Variants in SACS observed in about 807,000 individuals in gnomAD.
SACS encodes sacsin.
A neutral mutation model predicts 348.0 loss-of-function variants in SACS; 197 were observed. The ratio of observed to expected loss-of-function variants is 0.57; its 90% CI spans 0.50 to 0.64. SACS has a LOEUF of 0.64. Among genes scored for constraint, SACS ranks in the 30% least tolerant of loss-of-function variants. The pLI is 0.00. For missense variants in SACS, 4,999 were observed against 5,360.8 expected, an observed-to-expected ratio of 0.93 and a Z score of 2.11; for synonymous variants, 1,985 against 1,910.6, an observed-to-expected ratio of 1.04 and a Z score of -1.02.
intron 4 of SACS, 68 bp from the exon 5 acceptor site, chr13:23,368,555 T>G (rs1200924622): frequency 1.3e-5 from 14 of 1,097,170 alleles, no homozygotes; most frequent in Non-Finnish European, 1.9e-5. Flanking sequence ...AATGTGTGAC[T>G]TGAATCTGAG....
intron 9 of SACS, among the ~76,000 whole-genome samples, chr13:23,348,828 T>C (rs964605209): frequency 2.6e-5 from 4 of 152,196 alleles, no homozygotes; most frequent in African/African-American, 7.2e-5. Context: ...AAAAAAATAC[T>C]GAGCACCTAC....
At chr13:23,432,390 G>GA (rs1447993492) in intron 1 of SACS, among the ~76,000 whole-genome samples, 2 of 152,076 alleles carry the variant, frequency 1.3e-5, no homozygotes, top group African/African-American at 4.8e-5. Flanking sequence ...AGAAAAGAAA[G>GA]AAAAAATTGC....
chr13:23,337,374 C>A lies in SACS; in HGVS notation c.6502G>T (p.Val2168Leu). Residue 2168 changes from valine (V) to leucine (L), a missense_variant, in exon 10 of 10, where the codon GTG becomes TTG. By Grantham distance (32) the Val-to-Leu change is conservative. Transcript: ENST00000382292. ...ILWDDMLERA[V>L]SVAEINKSDH... Reference sequence around the variant, plus strand: ...CTTTTATTAATTTCAGCTACTGACACTGCACGTTCTAGCATATCATCCCAT... The same window carrying A: ...CTTTTATTAATTTCAGCTACTGACAATGCACGTTCTAGCATATCATCCCAT... 2 of 1,613,922 alleles carry A rather than the reference C, an allele frequency of 1.2e-6. No individual in the cohort carries two copies. Among genetic ancestry groups the A allele is most frequent in the African/African-American group, 1.3e-5 (1 of 75,040 alleles).
intron 2 of SACS, among the ~76,000 whole-genome samples, chr13:23,385,408 G>C (rs761969944): frequency 2.3e-4 from 35 of 150,258 alleles, no homozygotes; most frequent in Non-Finnish European, 4.4e-4. Flanking sequence ...TGCCCAGGCT[G>C]GAGTGCAAGG....
chr13:23,368,935 G>C (rs543270741), intron 4 of SACS, among the ~76,000 whole-genome samples: 3 of 152,054 alleles, frequency 2.0e-5, no homozygotes, highest in Non-Finnish European at 4.4e-5. Context: ...TCCTGACCTC[G>C]TGATCCGCCC....
intron 2 of SACS, among the ~76,000 whole-genome samples, chr13:23,376,543 C>G (rs984213981): frequency 2.6e-5 from 4 of 152,056 alleles, no homozygotes; most frequent in African/African-American, 9.7e-5. Flanking sequence ...CTCCCTTCCC[C>G]CCAAAAAAAA....
chr13:23,341,463 T>C lies in SACS; in HGVS notation c.2413A>G (p.Arg805Gly), dbSNP rs1473022548. The change falls in exon 10 of 10, where the codon AGA (arginine) becomes GGA (glycine). Residue 805 changes from arginine to glycine, a missense_variant. Arg to Gly is a moderately radical substitution (Grantham distance 125). This residue lies in a region of SACS where 3,156 missense variants were observed against 3,380.1 expected (regional missense o/e 0.93). Transcript: ENST00000382292. ...GTCTGACCTTCCTCTAGTATAGTTCTGGGGATAAGTGGCATCTCATCAAAT... is the reference window on the plus strand; with the variant it reads ...GTCTGACCTTCCTCTAGTATAGTTCCGGGGATAAGTGGCATCTCATCAAAT... ...TLFDEMPLIP[R>G]TILEEGQTCV... 6.2e-7 allele frequency: 1 copy of C among 1,613,960 alleles called. No individual in the cohort carries two copies. Among genetic ancestry groups the C allele is most frequent in the Non-Finnish European group, 8.5e-7 (1 of 1,179,996 alleles).
chr13:23,339,176 G>A lies in SACS; in HGVS notation c.4700C>T (p.Thr1567Ile). 6.2e-7 allele frequency: 1 copy of A among 1,613,126 alleles called. No individual in the cohort carries two copies. Among genetic ancestry groups the A allele is most frequent in the Non-Finnish European group, 8.5e-7 (1 of 1,179,492 alleles). Residue 1567 changes from threonine (T) to isoleucine (I), a missense_variant, in exon 10 of 10, where the codon ACT becomes ATT. Thr to Ile is a moderately conservative substitution (Grantham distance 89). Coordinates refer to ENST00000382292, the MANE Select transcript of SACS (RefSeq NM_014363.6). The part of the protein sequence containing the change: ...GLGFNSVYHI[T>I]DIPIIMSREF... ...CCGACTCATAATGATGGGAATGTCA[G>A]TGATATGGTACACAGAATTAAATCC...
intron 2 of SACS, chr13:23,375,626 G>T (rs994025084): frequency 1.5e-5 from 14 of 943,876 alleles, no homozygotes; most frequent in Middle Eastern, 5.3e-4. Context: ...CGCCGGGACC[G>T]TTAGCTGGGG....
chr13:23,358,125 A>G (rs1282124291), intron 7 of SACS, among the ~76,000 whole-genome samples: 1 of 152,222 alleles, frequency 6.6e-6, no homozygotes, highest in East Asian at 1.9e-4. Context: ...TTGGCATCAC[A>G]TGATGAAGGA....
rs1485885260 is a variant in SACS, at chr13:23,338,753, GC to G, written c.5122del (p.Ala1708HisfsTer5). The G allele has an allele frequency of 1.2e-6, 2 of 1,610,806 alleles. No individual in the cohort carries two copies. The highest frequency in any genetic ancestry group is 1.7e-6 in the Non-Finnish European group (2 of 1,179,128). ...TTTTTTAATTATTACTGTATCTTGT[GC>G]TAAACTGGGGTTGGTTTCCTCAATT... Reference protein sequence around the residue: ...LKIEETNPSLAQDTVIIKKKS... With the variant: ...LKIEETNPSLXQDTVIIKKKS... On this transcript the variant is annotated frameshift_variant, in exon 10 of 10. Transcript: ENST00000382292. LOFTEE classifies it high-confidence loss of function.
Position 23,368,449 on chromosome 13 carries a change from GAA to G in SACS, c.296_297del (p.Phe99SerfsTer16). 2 of 1,613,168 alleles carry G rather than the reference GAA, an allele frequency of 1.2e-6. No homozygotes were observed. The highest frequency in any genetic ancestry group is 1.7e-6 in the Non-Finnish European group (2 of 1,179,604). On this transcript the variant is annotated frameshift_variant, in exon 5 of 10. Transcript: ENST00000382292. LOFTEE classifies it high-confidence loss of function. Reference protein sequence around the residue: ...FGQTTPPLVDFLKDILRRYPE... With the variant: ...FGQTTPPLVDXLKDILRRYPE... ...GGATATCTTCTCAAAATGTCCTTGA[GAA>G]AATCAACAAGTGGTGGCGTTGTCTG...
At position 23,332,943 on chromosome 13, in the gene SACS, G is replaced by A. The variant is rs761683862; in HGVS notation, c.10933C>T (p.Leu3645=). ...ERMDLLSGNF[L]KELSLIPFLC... is the part of the protein sequence containing the mutation. The stretch of plus-strand genomic sequence containing the variant: ...AATGGTATTAAAGATAGTTCTTTCA[G>A]AAAATTTCCAGATAACAAATCCATT... The change falls in exon 10 of 10, where the codon CTG becomes TTG. Residue 3645 remains leucine, a synonymous_variant. Transcript: ENST00000382292. 4 of 1,613,920 alleles carry A rather than the reference G, an allele frequency of 2.5e-6. No homozygotes were observed. Among genetic ancestry groups the A allele is most frequent in the African/African-American group, 1.3e-5 (1 of 75,056 alleles).
At chr13:23,349,619 C>A (rs941450901) in intron 9 of SACS, among the ~76,000 whole-genome samples, 3 of 152,196 alleles carry the variant, frequency 2.0e-5, no homozygotes, top group Non-Finnish European at 4.4e-5. Context: ...TTGGATACAA[C>A]TCAACTGGCA....
rs2137569964 is a variant in SACS at position 23,332,851 on chromosome 13, T to C, written c.11025A>G (p.Gly3675=). 1.9e-6 allele frequency: 3 copies of C among 1,613,776 alleles called. No homozygotes were observed. The highest frequency in any genetic ancestry group is 2.5e-6 in the Non-Finnish European group (3 of 1,179,852). ...RFHPQYQEVN[G]TLPLIKFNGA... is the part of the protein sequence containing the mutation. ...CATTGAACTTTATAAGAGGAAGTGT[T>C]CCATTTACCTCTTGATATTGAGGAT... The change falls in exon 10 of 10, where the codon GGA becomes GGG. Residue 3675 remains glycine, a synonymous_variant. Coordinates refer to ENST00000382292, the MANE Select transcript of SACS (RefSeq NM_014363.6).
Position 23,331,531 on chromosome 13 carries a change from A to C in SACS, c.12345T>G (p.Ser4115=). ...TLKSATDNLI[S]DTSYLIAMLG... is the part of the protein sequence containing the mutation. ...GCATAGCAATTAAATATGAAGTGTC[A>C]GAAATCAAATTGTCAGTTGCTGATT... Residue 4115 remains serine (S), a synonymous_variant, in exon 10 of 10, where the codon TCT becomes TCG. Coordinates refer to ENST00000382292, the MANE Select transcript of SACS (RefSeq NM_014363.6). 6.2e-7 allele frequency: 1 copy of C among 1,613,856 alleles called. No individual in the cohort carries two copies. The highest frequency in any genetic ancestry group is 8.5e-7 in the Non-Finnish European group (1 of 1,179,752).
intron 4 of SACS, among the ~76,000 whole-genome samples, chr13:23,369,688 G>A (rs190175444): frequency 0.01 from 1,587 of 151,878 alleles, 19 homozygotes; most frequent in Middle Eastern, 0.02. Context: ...GGGACTACAG[G>A]TGCCCGCCAC....
intron 9 of SACS, 88 bp downstream of exon 9, chr13:23,353,697 T>C: frequency 1.4e-6 from 1 of 728,782 alleles, no homozygotes; most frequent in Admixed American, 2.7e-5. Context: ...ATTGTTGATT[T>C]ATAGGTCTAA....
At chr13:23,360,017 T>G (rs1427449560) in intron 6 of SACS, among the ~76,000 whole-genome samples, 2 of 152,166 alleles carry the variant, frequency 1.3e-5, no homozygotes, top group African/African-American at 2.4e-5. Flanking sequence ...GCAGTCAGGA[T>G]GTCAGGCCCA....
Sources: gnomAD v4.1 joint callset for allele counts (sites outside exome capture counted in the v4.1 genomes callset) on GRCh38, gnomAD v4.1.1 for gene constraint, gnomAD v4.1.1 regional missense constraint, MANE v1.5 for transcripts, NCBI Gene and HGNC (gene_info 2026-07-23, HGNC 2026-07-21) for gene names.